HERC3: variants seen among roughly 807,000 people sequenced by gnomAD.
The protein encoded by HERC3 is HECT and RLD domain containing E3 ubiquitin protein ligase 3, also known as probable E3 ubiquitin-protein ligase HERC3.
In HERC3, 58 loss-of-function variants were observed where a neutral mutation model predicts 129.9. The observed-to-expected ratio is 0.45, with a 90% CI of 0.36 to 0.56. HERC3 has a LOEUF of 0.56. Among genes scored for constraint, HERC3 ranks in the 20% least tolerant of loss-of-function variants. The pLI is 0.00. For missense variants in HERC3, 835 were observed against 1,244.2 expected (o/e 0.67, Z 4.95); for synonymous variants, 430 against 451.0 (o/e 0.95, Z 0.59).
At chr4:88,645,316 C>T (rs566388236) in intron 3 of HERC3, among the ~76,000 whole-genome samples, 14 of 152,214 alleles carry the variant, frequency 9.2e-5, no homozygotes, top group African/African-American at 3.4e-4. Context: ...CAATATGTCT[C>T]TGTCTTGTTT....
chr4:88,562,897 A>G, the HERC3 span, among the ~76,000 whole-genome samples: 2 of 152,326 alleles, frequency 1.3e-5, no homozygotes, highest in South Asian at 4.1e-4. Flanking sequence ...TGCTTTGGTT[A>G]CAATAGCTCT....
chr4:88,653,619 A>C (rs1377736098), intron 6 of HERC3, among the ~76,000 whole-genome samples: 1 of 152,220 alleles, frequency 6.6e-6, no homozygotes, highest in South Asian at 2.1e-4. Context: ...AGCGTGATCC[A>C]CTTTGGCTTT....
In HERC3 at chr4:88,676,232, A is replaced by G; in HGVS notation, c.1926A>G (p.Ser642=). 6.4e-7 allele frequency: 1 copy of G among 1,571,284 alleles called. No homozygotes were observed. Among genetic ancestry groups the G allele is most frequent in the Non-Finnish European group, 8.8e-7 (1 of 1,141,620 alleles). The change falls in exon 17 of 26, where the codon TCA becomes TCG. Residue 642 remains serine, a synonymous_variant. Transcript: ENST00000402738. The part of the protein sequence containing the change: ...LHQAGMKARP[S]IIQDTVTLCS... ...TCTTTACACAGAAGGCTAGACCATC[A>G]ATAATACAGGTAAATGATCCTTTTT...
intron 2 of HERC3, among the ~76,000 whole-genome samples, chr4:88,602,152 G>T (rs952443765): frequency 6.6e-6 from 1 of 151,732 alleles, no homozygotes; most frequent in Non-Finnish European, 1.5e-5. Flanking sequence ...TGTGATCCAA[G>T]CACTTTGGGA....
intron 23 of HERC3, among the ~76,000 whole-genome samples, chr4:88,694,297 T>A (rs1221952486): frequency 6.6e-6 from 1 of 152,242 alleles, no homozygotes; most frequent in Non-Finnish European, 1.5e-5. Context: ...CCTTTATGTA[T>A]TTCTCTAGTA....
upstream of HERC3, among the ~76,000 whole-genome samples, chr4:88,592,260 G>T (rs1227775207): frequency 1.3e-5 from 2 of 152,184 alleles, no homozygotes; most frequent in African/African-American, 2.4e-5. Flanking sequence ...CGCTGTCCCC[G>T]CGCCGGGCCC....
the HERC3 span, among the ~76,000 whole-genome samples, chr4:88,533,063 AC>A: frequency 6.2e-3 from 939 of 152,342 alleles, 33 homozygotes; most frequent in Admixed American, 0.055. Flanking sequence ...AGGGAAGCCG[AC>A]AGCGCAGCCT....
At chr4:88,655,845 A>G in intron 8 of HERC3, 30 bp from the exon 9 acceptor site, 1 of 1,596,092 alleles carries the variant, frequency 6.3e-7, no homozygotes, top group South Asian at 1.1e-5. Flanking sequence ...AGTAGAAACT[A>G]TGCTGATGAG....
chr4:88,611,112 C>A (rs1315353651), intron 3 of HERC3, among the ~76,000 whole-genome samples: 1 of 152,166 alleles, frequency 6.6e-6, no homozygotes, highest in Non-Finnish European at 1.5e-5. Flanking sequence ...ACAAGAGATT[C>A]CAGAAATTTC....
chr4:88,597,405 A>G (rs1245056214), intron 2 of HERC3, among the ~76,000 whole-genome samples: 2 of 152,216 alleles, frequency 1.3e-5, no homozygotes, highest in African/African-American at 4.8e-5. Flanking sequence ...TTAGTATAGT[A>G]CAGGAGCACC....
chr4:88,628,627 T>A (rs760232551), intron 3 of HERC3, among the ~76,000 whole-genome samples: 2 of 152,236 alleles, frequency 1.3e-5, no homozygotes, highest in Non-Finnish European at 2.9e-5. Flanking sequence ...TGTTATCATA[T>A]TATCAAATGT....
chr4:88,548,941 G>A, the HERC3 span, among the ~76,000 whole-genome samples: 1 of 152,136 alleles, frequency 6.6e-6, no homozygotes, highest in Non-Finnish European at 1.5e-5. Context: ...GATTACAGGC[G>A]TGAGCCACTG....
In HERC3 at chr4:88,606,069, C is replaced by G. The variant is rs566035610; in HGVS notation, c.226+20C>G. On this transcript the variant is annotated intron_variant, in intron 3 of 25. Transcript: ENST00000402738. ...AGCCAGGTAAGTGCACCTTATCTGTCTTGATTATTGGTGAGAATGGAAAGT... is the reference window on the plus strand; with the variant it reads ...AGCCAGGTAAGTGCACCTTATCTGTGTTGATTATTGGTGAGAATGGAAAGT... The G allele has an allele frequency of 6.3e-6, 10 of 1,585,884 alleles. No individual in the cohort carries two copies. In the African/African-American group the frequency reaches 1.3e-4, roughly 21 times the overall value.
the HERC3 span, among the ~76,000 whole-genome samples, chr4:88,532,644 C>G: frequency 6.6e-6 from 1 of 152,066 alleles, no homozygotes; most frequent in African/African-American, 2.4e-5. Flanking sequence ...TCAGCTCAGT[C>G]AAGATGTCAC....
chr4:88,670,142 A>C lies in HERC3; in HGVS notation c.1801A>C (p.Asn601His), dbSNP rs1731461369. 6.2e-7 allele frequency: 1 copy of C among 1,611,404 alleles called. No individual in the cohort carries two copies. Among genetic ancestry groups the C allele is most frequent in the South Asian group, 1.1e-5 (1 of 90,978 alleles). ...TCTGTATTTTGTTCTTCATTAGGTAAATCTTAAAGTGAAGCATGTGGAATA... is the reference window on the plus strand; with the variant it reads ...TCTGTATTTTGTTCTTCATTAGGTACATCTTAAAGTGAAGCATGTGGAATA... ...LKLLEKLYKVNLKVKHVEYDT... is the reference protein window; with the variant it reads ...LKLLEKLYKVHLKVKHVEYDT... Residue 601 changes from asparagine (N) to histidine (H), a missense_variant, in exon 16 of 26, where the codon AAT becomes CAT. Coordinates refer to ENST00000402738, the MANE Select transcript of HERC3 (RefSeq NM_014606.3).
chr4:88,582,559 G>T, the HERC3 span, among the ~76,000 whole-genome samples: 2 of 152,098 alleles, frequency 1.3e-5, no homozygotes, highest in African/African-American at 4.8e-5. Flanking sequence ...TAAAAGAAAT[G>T]TAACTGTCTT....
the HERC3 span, among the ~76,000 whole-genome samples, chr4:88,530,962 G>A: frequency 6.6e-6 from 1 of 151,926 alleles, no homozygotes; most frequent in Non-Finnish European, 1.5e-5. Context: ...TGATTCTCCT[G>A]GCCTCAGCTT....
At chr4:88,530,709 G>T in the HERC3 span, among the ~76,000 whole-genome samples, 1 of 152,182 alleles carries the variant, frequency 6.6e-6, no homozygotes, top group East Asian at 1.9e-4. Flanking sequence ...AGTAAATATT[G>T]TAGGGCTGCA....
intron 3 of HERC3, among the ~76,000 whole-genome samples, chr4:88,633,620 A>G (rs978304666): frequency 6.6e-6 from 1 of 152,208 alleles, no homozygotes; most frequent in Non-Finnish European, 1.5e-5. Context: ...GAAAGAGGAA[A>G]TGAGAAACAG....
Sources: gnomAD v4.1 joint callset for allele counts (sites outside exome capture counted in the v4.1 genomes callset) on GRCh38, gnomAD v4.1.1 for gene constraint, MANE v1.5 for transcripts, NCBI Gene and HGNC (gene_info 2026-07-23, HGNC 2026-07-21) for gene names.